PIK3C2A: variants seen among roughly 807,000 people sequenced by gnomAD.
PIK3C2A encodes the protein phosphatidylinositol-4-phosphate 3-kinase catalytic subunit type 2 alpha.
Under a neutral mutation model 204.5 loss-of-function variants are expected in PIK3C2A, and 97 were observed. That is an observed-to-expected ratio of 0.47 (90% CI 0.40 to 0.56). PIK3C2A has a LOEUF of 0.56. PIK3C2A is among the 20% of genes least tolerant of loss of function. The pLI is 0.00. For missense variants in PIK3C2A, 1,735 were observed against 1,969.2 expected, an observed-to-expected ratio of 0.88 and a Z score of 2.25; for synonymous variants, 653 against 664.4, an observed-to-expected ratio of 0.98 and a Z score of 0.26.
chr11:17,176,911 C>T (rs981424498), intron 1 of PIK3C2A, among the ~76,000 whole-genome samples: 39 of 152,272 alleles, frequency 2.6e-4, no homozygotes, highest in Non-Finnish European at 4.6e-4. Flanking sequence ...TATATAGATA[C>T]TATATGCCAA....
chr11:17,099,890 G>A lies in PIK3C2A; in HGVS notation c.4088C>T (p.Thr1363Ile), dbSNP rs200542813. The A allele has an allele frequency of 4.5e-6, 7 of 1,569,550 alleles. No individual in the cohort carries two copies. Among genetic ancestry groups the A allele is most frequent in the African/African-American group, 1.3e-5 (1 of 74,166 alleles). The change falls in exon 26 of 33, where the codon ACA becomes ATA. Residue 1363 changes from threonine (T) to isoleucine (I), a missense_variant. Physicochemically the swap from Thr to Ile is moderately conservative, Grantham distance 89. This residue lies in a region of PIK3C2A where 503 missense variants were observed against 669.0 expected (regional missense o/e 0.75). Coordinates refer to ENST00000691414, the MANE Select transcript of PIK3C2A (RefSeq NM_002645.4). ...AAAGAAAATTGTAGCTTCTGCGTCT[G>A]TAGTTTGGGGTTGAAGTGCATCTCT... ...YVRDALQPQT[T>I]DAEATIFFTR... is the part of the protein sequence containing the mutation.
rs563786772 is a variant in PIK3C2A, at chr11:17,126,305, C to T, written c.2399+2995G>A. ...AGCTCACGCCTATAATCTGAGCTAC[C>T]GGATGGGATCGGATGGCGGGAAGAT... On this transcript the variant is annotated intron_variant, in intron 13 of 32. Coordinates refer to ENST00000691414, the MANE Select transcript of PIK3C2A (RefSeq NM_002645.4). Among the ~76,000 whole-genome samples, 5 of 151,892 alleles carry T rather than the reference C, an allele frequency of 3.3e-5. No homozygotes were observed. In the South Asian group the frequency reaches 1.0e-3, roughly 32 times the overall value.
intron 1 of PIK3C2A, among the ~76,000 whole-genome samples, chr11:17,187,790 T>C (rs1343657043): frequency 6.6e-6 from 1 of 151,688 alleles, no homozygotes; most frequent in Non-Finnish European, 1.5e-5. Context: ...ACAGAAGATA[T>C]ATACTCGCTC....
intron 20 of PIK3C2A, 102 bp downstream of exon 20, chr11:17,114,257 CCT>C: frequency 1.6e-6 from 1 of 621,468 alleles, no homozygotes; most frequent in Non-Finnish European, 2.9e-6. Flanking sequence ...TTATAACCAA[CCT>C]GTGCAGGTTT....
intron 1 of PIK3C2A, among the ~76,000 whole-genome samples, chr11:17,179,536 T>G (rs1168551466): frequency 1.3e-5 from 2 of 152,154 alleles, no homozygotes; most frequent in Non-Finnish European, 2.9e-5. Context: ...CTAATTACCT[T>G]AATATTCTAG....
intron 1 of PIK3C2A, among the ~76,000 whole-genome samples, chr11:17,205,429 G>A (rs561394218): frequency 4.1e-4 from 56 of 136,556 alleles, no homozygotes; most frequent in East Asian, 2.8e-3. Context: ...AGCCAAGATC[G>A]TGCCACTGCA....
intron 11 of PIK3C2A, among the ~76,000 whole-genome samples, chr11:17,133,531 TTGATA>T (rs1849772477): frequency 6.6e-6 from 1 of 152,190 alleles, no homozygotes; most frequent in Non-Finnish European, 1.5e-5. Context: ...AAACTTAGGT[TTGATA>T]TTTCTTCAGT....
At chr11:17,109,693 A>C (rs1848935839) in intron 22 of PIK3C2A, among the ~76,000 whole-genome samples, 1 of 152,100 alleles carries the variant, frequency 6.6e-6, no homozygotes, top group Non-Finnish European at 1.5e-5. Context: ...CCTCCAGAGC[A>C]GCTGAGACTA....
chr11:17,138,449 T>C (rs1358284845), intron 8 of PIK3C2A, among the ~76,000 whole-genome samples: 2 of 152,144 alleles, frequency 1.3e-5, no homozygotes, highest in African/African-American at 4.8e-5. Context: ...CAGGTTTCTT[T>C]GCCATAGGCA....
At chr11:17,098,858 C>T (rs1005482463) in intron 26 of PIK3C2A, among the ~76,000 whole-genome samples, 1 of 152,200 alleles carries the variant, frequency 6.6e-6, no homozygotes, top group Admixed American at 6.5e-5. Context: ...CAGTCAGTAA[C>T]CAGCCTGATC....
At chr11:17,193,717 G>A (rs1402259897) in intron 1 of PIK3C2A, among the ~76,000 whole-genome samples, 13 of 151,266 alleles carry the variant, frequency 8.6e-5, no homozygotes, top group South Asian at 4.2e-4. Flanking sequence ...ATGATGGCGC[G>A]CGTCTGTAGT....
At chr11:17,175,166 G>T (rs1590996697) in intron 1 of PIK3C2A, among the ~76,000 whole-genome samples, 1 of 152,132 alleles carries the variant, frequency 6.6e-6, no homozygotes, top group Admixed American at 6.5e-5. Context: ...TACTGATAAA[G>T]ATATAAAATT....
chr11:17,089,903 A>G lies in PIK3C2A; in HGVS notation c.4896T>C (p.Tyr1632=). The G allele has an allele frequency of 6.2e-7, 1 of 1,608,810 alleles. No homozygotes were observed. The highest frequency in any genetic ancestry group is 8.5e-7 in the Non-Finnish European group (1 of 1,176,616). Residue 1632 remains tyrosine (Y), a synonymous_variant, in exon 33 of 33, where the codon TAT becomes TAC. Coordinates refer to ENST00000691414, the MANE Select transcript of PIK3C2A (RefSeq NM_002645.4). Reference sequence around the variant, plus strand: ...CTCGCTGTCTTAGGGTTTCTTTGCTATATCCACTGTATACAAGCTACAACA... The same window carrying G: ...CTCGCTGTCTTAGGGTTTCTTTGCTGTATCCACTGTATACAAGCTACAACA... ...TFNEMLVYSG[Y]SKETLRQREL...
At chr11:17,136,677 A>C in intron 8 of PIK3C2A, 52 bp from the exon 9 acceptor site, 1 of 1,007,028 alleles carries the variant, frequency 9.9e-7, no homozygotes, top group Non-Finnish European at 1.5e-6. Flanking sequence ...TTAAAGGACC[A>C]ATTCCAGAGA....
At chr11:17,133,130 A>C (rs1225029116) in intron 11 of PIK3C2A, among the ~76,000 whole-genome samples, 1 of 151,950 alleles carries the variant, frequency 6.6e-6, no homozygotes, top group African/African-American at 2.4e-5. Flanking sequence ...ACTTTATTCC[A>C]TTTACTCCTA....
At chr11:17,140,579 G>A (rs1850031082) in intron 8 of PIK3C2A, among the ~76,000 whole-genome samples, 1 of 152,186 alleles carries the variant, frequency 6.6e-6, no homozygotes, top group Admixed American at 6.5e-5. Context: ...ATGATTCCAT[G>A]TACATGAAAT....
At chr11:17,110,623 C>G in intron 21 of PIK3C2A, 62 bp from the exon 22 acceptor site, 1 of 1,455,284 alleles carries the variant, frequency 6.9e-7, no homozygotes, top group Non-Finnish European at 9.3e-7. Context: ...AGATTACATA[C>G]TATGAAAGCT....
intron 1 of PIK3C2A, among the ~76,000 whole-genome samples, chr11:17,195,488 G>A (rs936399184): frequency 6.6e-6 from 1 of 152,074 alleles, no homozygotes; most frequent in African/African-American, 2.4e-5. Flanking sequence ...GGGAGGCCAG[G>A]GCAGGCAGAT....
In PIK3C2A at chr11:17,129,356, C is replaced by T. The variant is rs1415835912; in HGVS notation, c.2343G>A (p.Gln781=). The T allele has an allele frequency of 7.4e-6, 12 of 1,613,890 alleles. No individual in the cohort carries two copies. Among genetic ancestry groups the T allele is most frequent in the Non-Finnish European group, 1.0e-5 (12 of 1,179,804 alleles). The change falls in exon 13 of 33, where the codon CAG becomes CAA. Residue 781 remains glutamine, a synonymous_variant. Coordinates refer to ENST00000691414, the MANE Select transcript of PIK3C2A (RefSeq NM_002645.4). ...TGCCCAAAGCTTCTGGTCCCTTTCT[C>T]TGCTTATTAGAATCAGGGGAACTTC... ...SSGSSPDSNK[Q]RKGPEALGKV... is the part of the protein sequence containing the mutation.
Sources: allele counts gnomAD v4.1 joint callset (sites outside exome capture counted in the v4.1 genomes callset), GRCh38; gene constraint gnomAD v4.1.1; regional missense constraint gnomAD v4.1.1; transcripts MANE v1.5; gene names NCBI Gene and HGNC (gene_info 2026-07-23, HGNC 2026-07-21).